The following RBFOX1 variants were observed in gnomAD, a reference collection of about 807,000 sequenced individuals.
The protein encoded by RBFOX1 is RNA binding protein fox-1 homolog 1.
In RBFOX1, 8 loss-of-function variants were observed where a neutral mutation model predicts 57.7. That is an observed-to-expected ratio of 0.14 (90% confidence interval 0.08 to 0.25). The LOEUF (loss-of-function observed/expected upper bound fraction) is 0.25. RBFOX1 is among the 10% of genes least tolerant of loss of function. The pLI, the probability that RBFOX1 is intolerant of heterozygous loss-of-function variation, is 1.00. For missense variants in RBFOX1, 611 were observed against 548.5 expected, an observed-to-expected ratio of 1.11 and a Z score of -1.14; for synonymous variants, 326 against 222.4, an observed-to-expected ratio of 1.47 and a Z score of -4.15.
chr16:7,316,203 A>G (rs551222834), intron 4 of RBFOX1, among the ~76,000 whole-genome samples: 1 of 152,226 alleles, frequency 6.6e-6, no homozygotes, highest in Non-Finnish European at 1.5e-5. Context: ...TTTCAAAATA[A>G]TGATGTCTTT....
chr16:5,645,063 C>G (rs1034397942), intron 3 of RBFOX1, among the ~76,000 whole-genome samples: 2 of 139,406 alleles, frequency 1.4e-5, no homozygotes, highest in Admixed American at 1.6e-4. Flanking sequence ...TGGTGAAACC[C>G]TGTCTCTACT....
At chr16:5,701,048 A>T (rs557140273) in intron 3 of RBFOX1, among the ~76,000 whole-genome samples, 1 of 152,082 alleles carries the variant, frequency 6.6e-6, no homozygotes. Flanking sequence ...CTTGATCTAG[A>T]TTTTTCTTCT....
At chr16:5,860,997 G>C (rs750585117) in intron 3 of RBFOX1, among the ~76,000 whole-genome samples, 4 of 152,222 alleles carry the variant, frequency 2.6e-5, no homozygotes, top group Non-Finnish European at 5.9e-5. Flanking sequence ...GAAGGCTAAA[G>C]GGATACCAAA....
In RBFOX1 at chr16:7,076,157, T is replaced by G. The variant is rs151030220; in HGVS notation, c.27+24059T>G. ...CCCGGGTTCAAGTGATTCCCCTGCC[T>G]CAGCCTCTCGAGTACCTAGAACTAC... On this transcript the variant is annotated intron_variant, in intron 4 of 15. Coordinates refer to ENST00000550418, the MANE Select transcript of RBFOX1 (RefSeq NM_018723.4). Among the ~76,000 whole-genome samples, 480 of 151,696 alleles carry G rather than the reference T, an allele frequency of 3.2e-3. 3 individuals carry two copies. The highest frequency in any genetic ancestry group is 0.011 in the African/African-American group (445 of 41,350).
intron 3 of RBFOX1, among the ~76,000 whole-genome samples, chr16:6,808,194 A>T (rs1004997758): frequency 2.7e-5 from 4 of 147,228 alleles, no homozygotes; most frequent in Non-Finnish European, 5.9e-5. Context: ...ATATATATAT[A>T]TATATAGTTC....
At chr16:5,991,498 T>C (rs1006395964) in intron 4 of RBFOX1, among the ~76,000 whole-genome samples, 2 of 152,158 alleles carry the variant, frequency 1.3e-5, no homozygotes, top group African/African-American at 4.8e-5. Flanking sequence ...TGGAGACCTT[T>C]ACGGAAGTAT....
intron 1 of RBFOX1, among the ~76,000 whole-genome samples, chr16:6,073,663 A>G (rs967863442): frequency 6.6e-6 from 1 of 152,192 alleles, no homozygotes; most frequent in African/African-American, 2.4e-5. Flanking sequence ...TAGAATGCAT[A>G]ATCTTCCTGG....
chr16:6,070,655 T>G (rs2095824882), intron 1 of RBFOX1, among the ~76,000 whole-genome samples: 1 of 148,288 alleles, frequency 6.7e-6, no homozygotes, highest in Non-Finnish European at 1.5e-5. Flanking sequence ...GTAATCAAAG[T>G]TTAGCTTTTC....
At chr16:5,720,615 G>A (rs1047482562) in intron 3 of RBFOX1, among the ~76,000 whole-genome samples, 1 of 152,016 alleles carries the variant, frequency 6.6e-6, no homozygotes, top group African/African-American at 2.4e-5. Context: ...TTTTATCTAT[G>A]GTGGAAGGAG....
At chr16:7,411,876 C>G (rs2098429765) in intron 4 of RBFOX1, among the ~76,000 whole-genome samples, 1 of 145,372 alleles carries the variant, frequency 6.9e-6, no homozygotes, top group Admixed American at 7.0e-5. Context: ...GCATTCCAGC[C>G]TGGACAACAA....
intron 3 of RBFOX1, among the ~76,000 whole-genome samples, chr16:5,607,174 A>C (rs532186471): frequency 2.0e-5 from 3 of 152,262 alleles, no homozygotes; most frequent in Admixed American, 6.5e-5. Flanking sequence ...TCTCACTGCT[A>C]ATGTGCCTTC....
At chr16:6,922,548 C>A (rs1381968762) in intron 3 of RBFOX1, among the ~76,000 whole-genome samples, 7 of 152,138 alleles carry the variant, frequency 4.6e-5, no homozygotes, top group African/African-American at 1.7e-4. Flanking sequence ...TCTGTGTTTT[C>A]ATTTCCAGGA....
At position 7,285,778 on chromosome 16, in the gene RBFOX1, A is replaced by G. The variant is rs192869591; in HGVS notation, c.28-232369A>G. On this transcript the variant is annotated intron_variant, in intron 4 of 15. Transcript: ENST00000550418. ...TGTACCACAGTTTGTTTAACCATTC[A>G]TCTATTGATGGACATCTGGACTAAC... 5.3e-5 allele frequency among the ~76,000 whole-genome samples: 8 copies of G among 152,246 alleles called. No homozygotes were observed. The East Asian group carries it at 1.2e-3, about 22-fold the overall frequency.
rs560553367 is a variant in RBFOX1 at position 6,142,466 on chromosome 16, C to T, written c.-127+122474C>T. ...TCGATCTCCTGACCTTGTGATTCGC[C>T]CGCCTCGGCCTCCCAAAGCGCTGGG... On this transcript the variant is annotated intron_variant, in intron 1 of 15. Transcript: ENST00000550418. Among the ~76,000 whole-genome samples, 456 of 152,058 alleles carry T rather than the reference C, an allele frequency of 3.0e-3. 1 individual carries two copies. The highest frequency in any genetic ancestry group is 6.9e-3 in the Admixed American group (105 of 15,266).
chr16:7,455,994 C>G (rs1041273464), intron 4 of RBFOX1, among the ~76,000 whole-genome samples: 4 of 152,102 alleles, frequency 2.6e-5, no homozygotes, highest in African/African-American at 9.7e-5. Context: ...AAGGGCAGGG[C>G]CAGCTTTAAG....
At chr16:5,705,740 C>T (rs571433695) in intron 3 of RBFOX1, among the ~76,000 whole-genome samples, 2 of 152,230 alleles carry the variant, frequency 1.3e-5, no homozygotes, top group East Asian at 1.9e-4. Flanking sequence ...AGCAGGTGGG[C>T]TTTTAGGGAT....
intron 1 of RBFOX1, among the ~76,000 whole-genome samples, chr16:6,215,161 A>C (rs1265576702): frequency 7.9e-6 from 1 of 126,334 alleles, no homozygotes; most frequent in Non-Finnish European, 1.7e-5. Context: ...GGAGAGGGAC[A>C]GTGAGAGAGG....
chr16:7,237,199 G>T (rs148083005), intron 4 of RBFOX1, among the ~76,000 whole-genome samples: 2 of 152,108 alleles, frequency 1.3e-5, no homozygotes, highest in African/African-American at 4.8e-5. Flanking sequence ...AACTTCCCTT[G>T]CCTGGCATCT....
chr16:6,785,751 TATC>T (rs1344975221), intron 3 of RBFOX1, among the ~76,000 whole-genome samples: 2 of 152,202 alleles, frequency 1.3e-5, no homozygotes, highest in African/African-American at 4.8e-5. Context: ...CCACTATTGT[TATC>T]ATCATTTTCC....
Sources: allele counts gnomAD v4.1 joint callset (sites outside exome capture counted in the v4.1 genomes callset), GRCh38; gene constraint gnomAD v4.1.1; transcripts MANE v1.5; gene names NCBI Gene and HGNC (gene_info 2026-07-23, HGNC 2026-07-21).